The following CIB1 variants were observed in gnomAD, a reference collection of about 807,000 sequenced individuals.
The protein encoded by CIB1 is calcium and integrin-binding protein 1.
A neutral mutation model predicts 25.0 loss-of-function variants in CIB1; 19 were observed. That is an observed-to-expected ratio of 0.76 (90% CI 0.53 to 1.12). The LOEUF is 1.12. Among genes scored for constraint, CIB1 ranks in the 50% most tolerant of loss-of-function variants. CIB1 has a pLI of 0.00. For synonymous variants in CIB1, 104 were observed against 98.5 expected (o/e 1.06, Z -0.33); for missense variants, 236 against 242.6 (o/e 0.97, Z 0.18).
the CIB1 span, chr15:90,253,316 G>C: frequency 6.2e-7 from 1 of 1,613,740 alleles, no homozygotes; most frequent in Non-Finnish European, 8.5e-7. Context: ...CTCTGTACTG[G>C]ACAGACTGCG....
At chr15:90,259,319 G>A in the CIB1 span, among the ~76,000 whole-genome samples, 13 of 152,064 alleles carry the variant, frequency 8.5e-5, no homozygotes, top group Admixed American at 4.6e-4. Flanking sequence ...GAGCCCAGGA[G>A]GTCAAGCCTG....
chr15:90,264,758 G>A, the CIB1 span: 7 of 1,536,118 alleles, frequency 4.6e-6, no homozygotes, highest in Admixed American at 2.0e-5. Flanking sequence ...CATAAACCGA[G>A]TCCTGGCAGG....
the CIB1 span, among the ~76,000 whole-genome samples, chr15:90,254,282 CAGG>C: frequency 2.6e-5 from 4 of 151,000 alleles, no homozygotes; most frequent in African/African-American, 9.8e-5. Flanking sequence ...ATCATGAGGT[CAGG>C]AGTTCAAGAC....
upstream of CIB1, among the ~76,000 whole-genome samples, chr15:90,237,989 A>G (rs1340764023): frequency 6.6e-6 from 1 of 152,154 alleles, no homozygotes; most frequent in African/African-American, 2.4e-5. Context: ...CTCCAGCTCA[A>G]AGGATTAGCT....
the CIB1 span, among the ~76,000 whole-genome samples, chr15:90,247,313 T>G: frequency 2.7e-5 from 4 of 149,894 alleles, no homozygotes; most frequent in African/African-American, 1.0e-4. Context: ...TTTTTTTTTT[T>G]TAAGAGAGAG....
chr15:90,259,038 T>C, the CIB1 span: 14 of 1,573,576 alleles, frequency 8.9e-6, no homozygotes, highest in Non-Finnish European at 1.2e-5. Flanking sequence ...AAACAACTTT[T>C]TGCATAGATA....
the CIB1 span, chr15:90,262,805 G>T: frequency 8.2e-7 from 1 of 1,215,546 alleles, no homozygotes; most frequent in Non-Finnish European, 1.1e-6. Context: ...AATTGAATCC[G>T]ATCCTTTGGA....
the CIB1 span, among the ~76,000 whole-genome samples, chr15:90,247,914 T>C: frequency 2.6e-4 from 39 of 151,896 alleles, no homozygotes; most frequent in African/African-American, 8.5e-4. Context: ...TTTTTATTTT[T>C]TTATTTTTAG....
the CIB1 span, among the ~76,000 whole-genome samples, chr15:90,251,280 A>T: frequency 2.7e-5 from 3 of 109,502 alleles, no homozygotes; most frequent in South Asian, 3.4e-4. Context: ...CGCATGGCAA[A>T]TTTTTTTTTT....
upstream of CIB1, chr15:90,234,239 T>G: frequency 4.2e-6 from 1 of 237,742 alleles, no homozygotes; most frequent in Non-Finnish European, 8.1e-6. Context: ...GACCTCGCTG[T>G]GGCCCCGGCA....
At chr15:90,263,113 C>T in the CIB1 span, 1 of 1,529,586 alleles carries the variant, frequency 6.5e-7, no homozygotes. Context: ...GCACCCTGGC[C>T]CCCAGGGCCA....
At chr15:90,233,585 C>T (rs1187651805) in intron 2 of CIB1, 84 bp downstream of exon 2, 2 of 1,507,260 alleles carry the variant, frequency 1.3e-6, no homozygotes, top group East Asian at 2.5e-5. Context: ...TCAGGCCAGC[C>T]CCCGCCCCTC....
At chr15:90,250,987 T>C in the CIB1 span, 1 of 1,463,566 alleles carries the variant, frequency 6.8e-7, no homozygotes, top group Non-Finnish European at 9.2e-7. Context: ...ATCTTCCCTT[T>C]AGCCTACAAA....
At chr15:90,256,545 T>TTTTCTTTCTTTCTCTTTCTTTC in the CIB1 span, among the ~76,000 whole-genome samples, 1 of 105,392 alleles carries the variant, frequency 9.5e-6, no homozygotes, top group African/African-American at 3.2e-5. Flanking sequence ...TCTCCTTCCT[T>TTTTCTTTCTTTCTCTTTCTTTC]TTTCTTTCTT....
At chr15:90,246,442 G>A in the CIB1 span, among the ~76,000 whole-genome samples, 1 of 152,086 alleles carries the variant, frequency 6.6e-6, no homozygotes, top group South Asian at 2.1e-4. Context: ...TACTTACGCT[G>A]TAATGGGGAG....
the CIB1 span, among the ~76,000 whole-genome samples, chr15:90,246,622 C>G: frequency 0.02 from 1 of 50 alleles, no homozygotes; most frequent in African/African-American, 0.036. Flanking sequence ...AACCCCATCT[C>G]TCTGAAAATA....
chr15:90,241,862 C>A, the CIB1 span: 1 of 1,614,160 alleles, frequency 6.2e-7, no homozygotes, highest in Non-Finnish European at 8.5e-7. Context: ...CCCGGAAGTC[C>A]AGCTTTGGGA....
chr15:90,251,414 G>A, the CIB1 span: 141 of 848,290 alleles, frequency 1.7e-4, no homozygotes, highest in African/African-American at 1.4e-3. Context: ...ATGAGCCACC[G>A]CGCCCAGCCC....
chr15:90,257,237 C>T, the CIB1 span: 46 of 1,613,276 alleles, frequency 2.9e-5, 2 homozygotes, highest in South Asian at 3.6e-4. Flanking sequence ...GGGCCTAGCC[C>T]GTTTTGCCAC....
Sources: allele counts gnomAD v4.1 joint callset (sites outside exome capture counted in the v4.1 genomes callset), GRCh38; gene constraint gnomAD v4.1.1; transcripts MANE v1.5; gene names NCBI Gene and HGNC (gene_info 2026-07-23, HGNC 2026-07-21).